The following CDKN2B-AS1 variants were observed in gnomAD, a reference collection of about 807,000 sequenced individuals.
CDKN2B-AS1 encodes CDKN2B antisense RNA 1 (non-protein coding).
chr9:22,065,819 A>C (rs1270816836), intron 4 of CDKN2B-AS1: 1 of 152,216 alleles, frequency 6.6e-6, no homozygotes, highest in African/African-American at 2.4e-5. Flanking sequence ...TGGGGAAAAC[A>C]AATCTATGCT....
intron 4 of CDKN2B-AS1, among the ~76,000 whole-genome samples, chr9:22,079,344 TG>T (rs1824612560): frequency 6.6e-6 from 1 of 151,814 alleles, no homozygotes; most frequent in Non-Finnish European, 1.5e-5. Context: ...AAAAATTAGT[TG>T]GGCGTGGTGG....
chr9:22,117,608 G>A (rs1309524131), intron 4 of CDKN2B-AS1: 1 of 152,288 alleles, frequency 6.6e-6, no homozygotes, highest in Non-Finnish European at 1.5e-5. Context: ...GACTCAGCTT[G>A]AGCAAACTCT....
intron 4 of CDKN2B-AS1, among the ~76,000 whole-genome samples, chr9:22,105,241 A>G (rs535682035): frequency 1.3e-5 from 2 of 152,352 alleles, no homozygotes; most frequent in East Asian, 3.9e-4. Context: ...AGGGTATATC[A>G]TCAGCGGAAA....
intron 1 of CDKN2B-AS1, among the ~76,000 whole-genome samples, chr9:22,002,739 A>C (rs977156239): frequency 6.6e-6 from 1 of 152,038 alleles, no homozygotes; most frequent in African/African-American, 2.4e-5. Flanking sequence ...ATCAGTCTCG[A>C]GCTCTCCTCT....
At chr9:22,069,111 C>CT (rs1462242869) in intron 4 of CDKN2B-AS1, among the ~76,000 whole-genome samples, 2 of 152,120 alleles carry the variant, frequency 1.3e-5, no homozygotes, top group African/African-American at 4.8e-5. Context: ...TACATTATTA[C>CT]TTTTCCTGTG....
At chr9:22,069,279 A>T (rs1359553643) in intron 4 of CDKN2B-AS1, among the ~76,000 whole-genome samples, 2 of 152,156 alleles carry the variant, frequency 1.3e-5, no homozygotes. Flanking sequence ...AGCAAAACCC[A>T]TGGGTAATGG....
intron 4 of CDKN2B-AS1, chr9:22,097,380 A>G (rs911667842): frequency 1.3e-5 from 2 of 152,224 alleles, no homozygotes; most frequent in African/African-American, 4.8e-5. Flanking sequence ...TAAAAATATC[A>G]GAAAAAGGGA....
At chr9:22,068,274 T>C (rs1824145236) in intron 4 of CDKN2B-AS1, among the ~76,000 whole-genome samples, 1 of 152,208 alleles carries the variant, frequency 6.6e-6, no homozygotes, top group Non-Finnish European at 1.5e-5. Context: ...TCAAGGACTT[T>C]ACAATCAATC....
At chr9:22,020,630 G>C (rs1363656938) in intron 1 of CDKN2B-AS1, among the ~76,000 whole-genome samples, 2 of 152,198 alleles carry the variant, frequency 1.3e-5, no homozygotes, top group Non-Finnish European at 2.9e-5. Flanking sequence ...CTAATGATCA[G>C]TGATGTTGAG....
At chr9:22,112,730 CT>C (rs1825833403) in intron 4 of CDKN2B-AS1, among the ~76,000 whole-genome samples, 1 of 152,018 alleles carries the variant, frequency 6.6e-6, no homozygotes, top group East Asian at 1.9e-4. Flanking sequence ...AAAATTTAAT[CT>C]TATAATAATT....
chr9:22,089,440 T>A (rs1172506661), intron 4 of CDKN2B-AS1, among the ~76,000 whole-genome samples: 2 of 149,758 alleles, frequency 1.3e-5, no homozygotes, highest in Admixed American at 6.7e-5. Flanking sequence ...CTTACTAAAC[T>A]TTTTTTTTTA....
intron 2 of CDKN2B-AS1, among the ~76,000 whole-genome samples, chr9:22,048,491 A>AT (rs1320695489): frequency 6.6e-6 from 1 of 151,990 alleles, no homozygotes; most frequent in East Asian, 1.9e-4. Context: ...TCTCCACTGG[A>AT]TTTTTTCATT....
upstream of CDKN2B-AS1, chr9:21,994,808 G>C (rs1304611472): frequency 5.7e-6 from 1 of 173,956 alleles, no homozygotes; most frequent in Admixed American, 6.4e-5. Flanking sequence ...TCCGTCACCT[G>C]ACACGGCCCT....
rs1365010239 is a variant in CDKN2B-AS1 at position 21,999,403 on chromosome 9, CATGT to C, written n.29+4248_29+4251del. ...ACTCAGCAATTCTATTCCTATAACT[CATGT>C]ATGTAACATATATAATACATATCTT... On this transcript the variant is annotated intron_variant and non_coding_transcript_variant, in intron 1 of 4. Transcript: ENST00000650946. The surrounding 1 kb of genome is among the most constrained non-coding windows in gnomAD (Gnocchi z 4.7). Among the ~76,000 whole-genome samples, 1 of 151,622 alleles carries C rather than the reference CATGT, an allele frequency of 6.6e-6. No homozygotes were observed. The highest frequency in any genetic ancestry group is 1.5e-5 in the Non-Finnish European group (1 of 67,870).
At chr9:22,111,657 T>C (rs779219292) in intron 4 of CDKN2B-AS1, among the ~76,000 whole-genome samples, 1 of 152,168 alleles carries the variant, frequency 6.6e-6, no homozygotes, top group Non-Finnish European at 1.5e-5. Flanking sequence ...TAGATTTTTT[T>C]TCTCTCTCTT....
At chr9:22,057,261 A>G (rs191333347) in intron 4 of CDKN2B-AS1, among the ~76,000 whole-genome samples, 4 of 152,194 alleles carry the variant, frequency 2.6e-5, no homozygotes, top group East Asian at 1.9e-4. Context: ...ATTTCGTTCC[A>G]TCTTCCAAAA....
intron 4 of CDKN2B-AS1, among the ~76,000 whole-genome samples, chr9:22,083,233 G>A (rs1043576727): frequency 7.2e-5 from 11 of 152,172 alleles, no homozygotes; most frequent in Admixed American, 5.9e-4. Flanking sequence ...CTGGTAATTA[G>A]CAAAGCAGGG....
Position 22,070,263 on chromosome 9 carries a change from C to T in CDKN2B-AS1, n.438+13876C>T, listed in dbSNP as rs150274579. Among the ~76,000 whole-genome samples, 10 of 152,214 alleles carry T rather than the reference C, an allele frequency of 6.6e-5. No individual in the cohort carries two copies. The East Asian group carries it at 1.5e-3, about 23-fold the overall frequency. Reference sequence around the variant, plus strand: ...GAGTTAATTGGTTAATTGATTGATTCGATTCAGTCAAATTTATTGAATGAC... The same window carrying T: ...GAGTTAATTGGTTAATTGATTGATTTGATTCAGTCAAATTTATTGAATGAC... On this transcript the variant is annotated intron_variant and non_coding_transcript_variant, in intron 4 of 4. Coordinates refer to ENST00000650946, the Ensembl canonical transcript of CDKN2B-AS1.
intron 1 of CDKN2B-AS1, among the ~76,000 whole-genome samples, chr9:22,022,377 C>T (rs581876): frequency 0.27 from 40,402 of 151,674 alleles, 6,837 homozygotes; most frequent in Non-Finnish European, 0.38. Context: ...TAGATTTTCT[C>T]GTTGAATTGA....
Sources: allele counts gnomAD v4.1 joint callset (sites outside exome capture counted in the v4.1 genomes callset), GRCh38; gene constraint gnomAD v4.1.1; non-coding constraint Gnocchi (gnomAD v3.1); transcripts MANE v1.5; gene names NCBI Gene and HGNC (gene_info 2026-07-23, HGNC 2026-07-21).